STXBP6: variants seen among roughly 807,000 people sequenced by gnomAD.
STXBP6 encodes the protein syntaxin binding protein 6.
In STXBP6, 21 loss-of-function variants were observed where a neutral mutation model predicts 26.9. That is an observed-to-expected ratio of 0.78 (90% CI 0.55 to 1.12). STXBP6 has a LOEUF of 1.12. Among genes scored for constraint, STXBP6 ranks in the 50% most tolerant of loss-of-function variants. The pLI is 0.00. For synonymous variants in STXBP6, 97 were observed against 92.6 expected (o/e 1.05, Z -0.27); for missense variants, 232 against 257.9 (o/e 0.90, Z 0.69).
intron 1 of STXBP6, among the ~76,000 whole-genome samples, chr14:24,998,636 G>A (rs17109481): frequency 0.033 from 4,986 of 152,238 alleles, 296 homozygotes; most frequent in African/African-American, 0.11. Context: ...CCAACTGTTA[G>A]AACTCATAAA....
At chr14:25,006,438 A>C (rs1213295831) in intron 1 of STXBP6, among the ~76,000 whole-genome samples, 12 of 152,234 alleles carry the variant, frequency 7.9e-5, no homozygotes, top group Non-Finnish European at 1.6e-4. Flanking sequence ...CATATATAAA[A>C]AAACTATGTT....
At chr14:24,970,312 C>T (rs1256613184) in intron 2 of STXBP6, among the ~76,000 whole-genome samples, 1 of 152,070 alleles carries the variant, frequency 6.6e-6, no homozygotes, top group Non-Finnish European at 1.5e-5. Context: ...AAGTGTGCAG[C>T]CTGATGAGCT....
intron 1 of STXBP6, among the ~76,000 whole-genome samples, chr14:24,983,566 T>C (rs1448989458): frequency 6.6e-6 from 1 of 152,208 alleles, no homozygotes; most frequent in Non-Finnish European, 1.5e-5. Flanking sequence ...AGTAAAAAGT[T>C]TGCATAGTAG....
intron 2 of STXBP6, among the ~76,000 whole-genome samples, chr14:24,929,457 A>C (rs2072301797): frequency 6.6e-6 from 1 of 152,354 alleles, no homozygotes; most frequent in Non-Finnish European, 1.5e-5. Flanking sequence ...TGATACAGCA[A>C]ATTATTTTGT....
intron 1 of STXBP6, among the ~76,000 whole-genome samples, chr14:25,015,396 G>C (rs11844636): frequency 0.16 from 23,815 of 151,568 alleles, 2,914 homozygotes; most frequent in African/African-American, 0.35. Flanking sequence ...CCAACCCACA[G>C]TCTCCACCCC....
intron 1 of STXBP6, among the ~76,000 whole-genome samples, chr14:25,043,376 A>T (rs1244092708): frequency 6.6e-6 from 1 of 152,196 alleles, no homozygotes; most frequent in African/African-American, 2.4e-5. Context: ...GAGTTGTCTC[A>T]TCATTTTTTT....
At chr14:24,892,900 A>C (rs1232785526) in intron 2 of STXBP6, among the ~76,000 whole-genome samples, 1 of 152,180 alleles carries the variant, frequency 6.6e-6, no homozygotes, top group Non-Finnish European at 1.5e-5. Context: ...CTGTAACTAG[A>C]ACTCCCACAG....
chr14:25,042,308 A>T (rs555814189), intron 1 of STXBP6, among the ~76,000 whole-genome samples: 1 of 152,238 alleles, frequency 6.6e-6, no homozygotes, highest in African/African-American at 2.4e-5. Flanking sequence ...ATCCCATAAG[A>T]AGGCAAGCCA....
chr14:25,049,828 C>T lies in STXBP6; in HGVS notation c.-33+50G>A. 1 of 985,810 alleles carries T rather than the reference C, an allele frequency of 1.0e-6. No individual in the cohort carries two copies. The highest frequency in any genetic ancestry group is 1.2e-6 in the Non-Finnish European group (1 of 830,286). 61.1% of individuals were successfully genotyped at this position (985,810 alleles called of 1,614,324 possible). Reference sequence around the variant, plus strand: ...CCGTGGCGGCTGCAACCGCATCTCCCGGGCTTGGCCTCCGCCCTGACCGCC... The same window carrying T: ...CCGTGGCGGCTGCAACCGCATCTCCTGGGCTTGGCCTCCGCCCTGACCGCC... On this transcript the variant is annotated intron_variant, in intron 1 of 5. Transcript: ENST00000323944. The surrounding 1 kb of genome is among the most constrained non-coding windows in gnomAD (Gnocchi z 5.6).
At chr14:24,909,399 T>C (rs970835679) in intron 2 of STXBP6, among the ~76,000 whole-genome samples, 1 of 152,244 alleles carries the variant, frequency 6.6e-6, no homozygotes, top group Non-Finnish European at 1.5e-5. Context: ...TGGGAACTAA[T>C]GTCCAGGGAT....
intron 2 of STXBP6, among the ~76,000 whole-genome samples, chr14:24,926,517 A>G (rs1157110047): frequency 6.6e-6 from 1 of 152,180 alleles, no homozygotes; most frequent in African/African-American, 2.4e-5. Context: ...GATGACTGAG[A>G]AAAAAATATA....
chr14:24,884,453 T>C (rs186001035), intron 2 of STXBP6, among the ~76,000 whole-genome samples: 1 of 152,310 alleles, frequency 6.6e-6, no homozygotes, highest in Non-Finnish European at 1.5e-5. Context: ...AGGAATCCTA[T>C]TTTGACTCAT....
intron 1 of STXBP6, among the ~76,000 whole-genome samples, chr14:25,042,971 G>A (rs2075667726): frequency 6.6e-6 from 1 of 152,168 alleles, no homozygotes; most frequent in African/African-American, 2.4e-5. Flanking sequence ...TTAAAAAGAG[G>A]GAGGAGGCAG....
chr14:24,854,586 G>A (rs1370796647), intron 4 of STXBP6, among the ~76,000 whole-genome samples: 1 of 152,058 alleles, frequency 6.6e-6, no homozygotes, highest in Admixed American at 6.6e-5. Context: ...TCCACCTAAT[G>A]AAGAATGAGG....
intron 2 of STXBP6, among the ~76,000 whole-genome samples, chr14:24,918,275 A>G (rs2071841357): frequency 6.6e-6 from 1 of 151,996 alleles, no homozygotes; most frequent in Non-Finnish European, 1.5e-5. Flanking sequence ...TATGAATTAT[A>G]TTTCAATAAA....
chr14:24,882,698 T>C (rs555375659), intron 2 of STXBP6, among the ~76,000 whole-genome samples: 1 of 152,298 alleles, frequency 6.6e-6, no homozygotes, highest in South Asian at 2.1e-4. Context: ...AGGGAATACA[T>C]TCATAAATAA....
intron 1 of STXBP6, among the ~76,000 whole-genome samples, chr14:25,013,264 G>T (rs975080864): frequency 3.9e-5 from 6 of 152,130 alleles, no homozygotes; most frequent in African/African-American, 1.2e-4. Context: ...TAAATGGAAA[G>T]AATCGAACAT....
chr14:24,885,523 G>C (rs1041467857), intron 2 of STXBP6, among the ~76,000 whole-genome samples: 6 of 152,184 alleles, frequency 3.9e-5, no homozygotes, highest in Non-Finnish European at 8.8e-5. Context: ...CACAAGGGAG[G>C]CCACCAAGGG....
intron 1 of STXBP6, among the ~76,000 whole-genome samples, chr14:24,986,604 G>A (rs1010444560): frequency 5.3e-5 from 8 of 152,104 alleles, no homozygotes; most frequent in Non-Finnish European, 7.4e-5. Context: ...ATAGGAATCC[G>A]TCTAGCCCAG....
Sources: gnomAD v4.1 joint callset for allele counts (sites outside exome capture counted in the v4.1 genomes callset) on GRCh38, gnomAD v4.1.1 for gene constraint, Gnocchi (gnomAD v3.1) non-coding constraint, MANE v1.5 for transcripts, NCBI Gene and HGNC (gene_info 2026-07-23, HGNC 2026-07-21) for gene names.